Variants in SLC39A11 observed in about 807,000 individuals in gnomAD.
SLC39A11 encodes zinc transporter ZIP11.
In SLC39A11, 33 loss-of-function variants were observed where a neutral mutation model predicts 36.1. The ratio of observed to expected loss-of-function variants is 0.91; its 90% CI spans 0.69 to 1.22. SLC39A11 has a LOEUF of 1.22. Ranked by LOEUF, SLC39A11 falls within the 50% of genes most tolerant of loss-of-function variation. SLC39A11 has a pLI of 0.00. For synonymous variants in SLC39A11, 166 were observed against 170.3 expected, an observed-to-expected ratio of 0.97 and a Z score of 0.20; for missense variants, 432 against 430.3, an observed-to-expected ratio of 1.00 and a Z score of -0.03.
In SLC39A11 at chr17:72,724,064, C is replaced by T. The variant is rs113548904; in HGVS notation, c.671+12586G>A. Among the ~76,000 whole-genome samples the T allele has an allele frequency of 2.8e-3, 421 of 151,920 alleles. 1 individual carries two copies. The highest frequency in any genetic ancestry group is 5.0e-3 in the Non-Finnish European group (340 of 68,010). On this transcript the variant is annotated intron_variant, in intron 7 of 9. Coordinates refer to ENST00000255559, the MANE Select transcript of SLC39A11 (RefSeq NM_139177.4). ...TATTGGGCGATCAGTGGTGCTAACA[C>T]GGGAACACACATCTTACTGGCAAAA...
intron 5 of SLC39A11, among the ~76,000 whole-genome samples, chr17:72,901,541 C>T (rs749674941): frequency 5.3e-5 from 8 of 152,132 alleles, no homozygotes; most frequent in Non-Finnish European, 8.8e-5. Context: ...AGGAGAGAGG[C>T]TCGGGTTTGG....
At chr17:72,744,685 CT>C (rs1391130175) in intron 6 of SLC39A11, among the ~76,000 whole-genome samples, 1 of 151,994 alleles carries the variant, frequency 6.6e-6, no homozygotes, top group Non-Finnish European at 1.5e-5. Flanking sequence ...TTGCTGTGTC[CT>C]CATATGATAG....
intron 7 of SLC39A11, among the ~76,000 whole-genome samples, chr17:72,731,916 G>A (rs978189480): frequency 8.6e-5 from 13 of 151,640 alleles, no homozygotes; most frequent in African/African-American, 2.9e-4. Flanking sequence ...CAGTAGAGGT[G>A]GGGTTTCACC....
At chr17:72,721,199 C>T (rs4793480) in intron 7 of SLC39A11, among the ~76,000 whole-genome samples, 84,754 of 151,564 alleles carry the variant, frequency 0.56, 24,058 homozygotes, top group Admixed American at 0.62. Flanking sequence ...TGGGTTCAAG[C>T]GATTCTCCCG....
At chr17:73,048,283 C>A (rs906007283) in intron 3 of SLC39A11, among the ~76,000 whole-genome samples, 11 of 151,796 alleles carry the variant, frequency 7.2e-5, no homozygotes, top group African/African-American at 2.7e-4. Flanking sequence ...TGAGAACAGG[C>A]GGTATTTGGT....
intron 4 of SLC39A11, among the ~76,000 whole-genome samples, chr17:72,962,833 G>A (rs1017271397): frequency 2.6e-5 from 4 of 152,254 alleles, no homozygotes; most frequent in Admixed American, 1.3e-4. Context: ...CATCGGGCCC[G>A]GCCAGCCCTT....
chr17:72,761,690 C>G (rs773266106), intron 6 of SLC39A11, among the ~76,000 whole-genome samples: 3 of 152,304 alleles, frequency 2.0e-5, no homozygotes, highest in Middle Eastern at 3.4e-3. Flanking sequence ...CAAGCCCAAA[C>G]TTTTTCTTTT....
At chr17:72,862,612 G>A (rs1354821541) in intron 5 of SLC39A11, among the ~76,000 whole-genome samples, 2 of 152,200 alleles carry the variant, frequency 1.3e-5, no homozygotes, top group South Asian at 2.1e-4. Flanking sequence ...AAGGAGCAAG[G>A]TGGCTGCTGA....
intron 3 of SLC39A11, among the ~76,000 whole-genome samples, chr17:73,073,057 G>A (rs2060212371): frequency 2.0e-5 from 3 of 152,310 alleles, no homozygotes; most frequent in South Asian, 2.1e-4. Context: ...GCAGGCGTCT[G>A]TAAGCCCAGC....
rs2069712452 is a variant in SLC39A11, at chr17:72,648,909, A to C, written c.823T>G (p.Phe275Val). Residue 275 changes from phenylalanine to valine, a missense_variant, in exon 9 of 10, where the codon TTT (phenylalanine) becomes GTT (valine). Transcript: ENST00000255559. ...VEPLAGVFGA[F>V]AVVLAEPILP... ...ATGGGCTCAGCCAGCACCACGGCAA[A>C]GGCACCAAAGACCCCGGCCAGGGGC... is the stretch of plus-strand genomic sequence containing the variant. 3 of 1,613,952 alleles carry C rather than the reference A, an allele frequency of 1.9e-6. No homozygotes were observed. The highest frequency in any genetic ancestry group is 2.5e-6 in the Non-Finnish European group (3 of 1,179,998).
intron 4 of SLC39A11, among the ~76,000 whole-genome samples, chr17:72,966,330 T>G (rs767524381): frequency 2.0e-5 from 3 of 152,302 alleles, no homozygotes; most frequent in Admixed American, 2.0e-4. Flanking sequence ...CTTTCGGGTG[T>G]GGGCATTCCT....
chr17:73,036,283 A>C (rs1411991334), intron 3 of SLC39A11, among the ~76,000 whole-genome samples: 1 of 152,202 alleles, frequency 6.6e-6, no homozygotes, highest in East Asian at 1.9e-4. Context: ...AATTGAGTGG[A>C]AAGTACCAAG....
intron 3 of SLC39A11, among the ~76,000 whole-genome samples, chr17:73,083,154 G>C (rs1203592579): frequency 1.3e-5 from 2 of 152,082 alleles, no homozygotes; most frequent in East Asian, 1.9e-4. Flanking sequence ...AAGGTTATAA[G>C]GCAAGAGCAT....
intron 4 of SLC39A11, among the ~76,000 whole-genome samples, chr17:72,954,626 T>C (rs138320741): frequency 1.1e-3 from 167 of 152,374 alleles, no homozygotes; most frequent in African/African-American, 3.7e-3. Flanking sequence ...TTTTTATTAC[T>C]GAGAAGTTGC....
At chr17:72,878,429 G>A (rs1355012466) in intron 5 of SLC39A11, among the ~76,000 whole-genome samples, 2 of 151,162 alleles carry the variant, frequency 1.3e-5, no homozygotes, top group Non-Finnish European at 3.0e-5. Context: ...CCTTCTTGCT[G>A]TGAACACACC....
intron 5 of SLC39A11, among the ~76,000 whole-genome samples, chr17:72,886,829 G>T (rs1042448369): frequency 1.3e-5 from 2 of 152,176 alleles, no homozygotes; most frequent in Non-Finnish European, 1.5e-5. Context: ...TGCTCCCTGT[G>T]ACCCGGATGC....
chr17:72,666,527 C>T (rs1214251550), intron 7 of SLC39A11, among the ~76,000 whole-genome samples: 1 of 152,210 alleles, frequency 6.6e-6, no homozygotes, highest in Non-Finnish European at 1.5e-5. Flanking sequence ...TCACTTTGCT[C>T]TCTGCCTGGC....
At chr17:72,837,443 GTGT>G (rs757131940) in intron 6 of SLC39A11, among the ~76,000 whole-genome samples, 21 of 145,006 alleles carry the variant, frequency 1.4e-4, no homozygotes, top group Non-Finnish European at 1.5e-4. Flanking sequence ...TTATCCCTTT[GTGT>G]CAAAGGACTC....
At chr17:72,819,743 T>G (rs1239747721) in intron 6 of SLC39A11, among the ~76,000 whole-genome samples, 1 of 151,378 alleles carries the variant, frequency 6.6e-6, no homozygotes, top group Non-Finnish European at 1.5e-5. Context: ...CAAACCATTT[T>G]GGGAAGTAGG....
Sources: allele counts gnomAD v4.1 joint callset (sites outside exome capture counted in the v4.1 genomes callset), GRCh38; gene constraint gnomAD v4.1.1; transcripts MANE v1.5; gene names NCBI Gene and HGNC (gene_info 2026-07-23, HGNC 2026-07-21).